Variants in PKP4 observed in about 807,000 individuals in gnomAD.
PKP4 encodes the protein plakophilin 4.
PKP4 carries 90 observed loss-of-function variants against 145.1 expected under a neutral mutation model. That is an observed-to-expected ratio of 0.62 (90% CI 0.52 to 0.74). PKP4 has a LOEUF of 0.74. PKP4 is among the 30% of genes least tolerant of loss of function. PKP4 has a pLI of 0.00. For missense variants in PKP4, 1,340 were observed against 1,482.7 expected, an observed-to-expected ratio of 0.90 and a Z score of 1.58; for synonymous variants, 563 against 577.2, an observed-to-expected ratio of 0.98 and a Z score of 0.35.
intron 1 of PKP4, chr2:158,457,689 C>T (rs763347246): frequency 2.6e-5 from 4 of 152,824 alleles, no homozygotes; most frequent in Non-Finnish European, 5.8e-5. Flanking sequence ...GTCTGTCCTT[C>T]TAGCCCCAGA....
chr2:158,486,409 C>T (rs188871649), intron 1 of PKP4, among the ~76,000 whole-genome samples: 13 of 152,178 alleles, frequency 8.5e-5, no homozygotes, highest in Non-Finnish European at 1.5e-4. Flanking sequence ...TTTGGGAAAA[C>T]GTATAGTTTG....
chr2:158,596,164 A>C (rs2049720619), intron 3 of PKP4, among the ~76,000 whole-genome samples: 3 of 152,198 alleles, frequency 2.0e-5, no homozygotes. Context: ...TGGAAAAATA[A>C]AGCCCACCAA....
intron 4 of PKP4, among the ~76,000 whole-genome samples, chr2:158,617,236 T>G (rs1383921910): frequency 1.3e-5 from 2 of 152,216 alleles, no homozygotes; most frequent in Non-Finnish European, 2.9e-5. Context: ...TTTCTGTATT[T>G]TTAGACATAC....
intron 4 of PKP4, among the ~76,000 whole-genome samples, chr2:158,618,381 G>A (rs951845243): frequency 1.3e-5 from 2 of 152,178 alleles, no homozygotes; most frequent in African/African-American, 2.4e-5. Flanking sequence ...GTATTTTAGT[G>A]TTCTAGTTAG....
Position 158,632,271 on chromosome 2 carries a change from T to C in PKP4, c.1342+330T>C, listed in dbSNP as rs561317776. 2.0e-5 allele frequency among the ~76,000 whole-genome samples: 3 copies of C among 152,372 alleles called. No individual in the cohort carries two copies. In the East Asian group the frequency reaches 5.8e-4, roughly 29 times the overall value. On this transcript the variant is annotated intron_variant, in intron 8 of 21. Coordinates refer to ENST00000389759, the MANE Select transcript of PKP4 (RefSeq NM_003628.6). ...GGAAAGCCTTGTTGGAATATTTCTTTGTAATTCTTTTGCCAAACAAGTTTT... is the reference window on the plus strand; with the variant it reads ...GGAAAGCCTTGTTGGAATATTTCTTCGTAATTCTTTTGCCAAACAAGTTTT...
At chr2:158,476,367 CT>C (rs1307845332) in intron 1 of PKP4, among the ~76,000 whole-genome samples, 4 of 152,138 alleles carry the variant, frequency 2.6e-5, no homozygotes, top group Admixed American at 6.5e-5. Flanking sequence ...CAGTCTCACT[CT>C]TGCCCAGCCC....
intron 1 of PKP4, among the ~76,000 whole-genome samples, chr2:158,458,533 C>T (rs1328571891): frequency 6.6e-6 from 1 of 152,180 alleles, no homozygotes; most frequent in Admixed American, 6.5e-5. Flanking sequence ...CTGGTTTTCA[C>T]TAGGGTTTTC....
At chr2:158,648,749 C>T (rs931866998) in intron 11 of PKP4, among the ~76,000 whole-genome samples, 1 of 152,170 alleles carries the variant, frequency 6.6e-6, no homozygotes, top group Non-Finnish European at 1.5e-5. Flanking sequence ...CTGTAATCCC[C>T]ACACTTTGGG....
intron 1 of PKP4, among the ~76,000 whole-genome samples, chr2:158,519,182 TA>T (rs1162898181): frequency 2.0e-5 from 3 of 152,174 alleles, no homozygotes; most frequent in African/African-American, 7.2e-5. Context: ...GAGAATTATT[TA>T]GGTCACTCTT....
chr2:158,457,953 C>G (rs1689103601), intron 1 of PKP4: 1 of 152,406 alleles, frequency 6.6e-6, no homozygotes, highest in Admixed American at 6.5e-5. Flanking sequence ...ACCTCCCTGG[C>G]GGATCTGGTA....
intron 3 of PKP4, among the ~76,000 whole-genome samples, chr2:158,595,628 T>C (rs993930451): frequency 6.6e-6 from 1 of 152,168 alleles, no homozygotes; most frequent in Non-Finnish European, 1.5e-5. Context: ...TAGATAGAAA[T>C]AAAAATCTTA....
chr2:158,489,817 C>G lies in PKP4; in HGVS notation c.-6+32599C>G, dbSNP rs529350883. On this transcript the variant is annotated intron_variant, in intron 1 of 21. Transcript: ENST00000389759. ...TACATTTTAAAAAACATAATTATGT[C>G]CAGCGAAACTCTCACAGTCTATAGT... Among the ~76,000 whole-genome samples, 25 of 152,202 alleles carry G rather than the reference C, an allele frequency of 1.6e-4. No individual in the cohort carries two copies. In the South Asian group the frequency reaches 5.0e-3, roughly 30 times the overall value.
At chr2:158,623,277 G>T (rs746360252) in intron 6 of PKP4, among the ~76,000 whole-genome samples, 23 of 152,190 alleles carry the variant, frequency 1.5e-4, no homozygotes, top group African/African-American at 5.1e-4. Flanking sequence ...GGGCTCAAGC[G>T]ATTTTCCTGA....
chr2:158,675,743 T>A (rs2093618102), intron 19 of PKP4, among the ~76,000 whole-genome samples: 1 of 152,228 alleles, frequency 6.6e-6, no homozygotes, highest in African/African-American at 2.4e-5. Flanking sequence ...ATAGACATTG[T>A]CCATACATGC....
Position 158,658,312 on chromosome 2 carries a change from A to G in PKP4, c.2091A>G (p.Leu697=), listed in dbSNP as rs374714130. The G allele has an allele frequency of 3.2e-6, 5 of 1,573,800 alleles. No homozygotes were observed. In the African/African-American group the frequency reaches 6.8e-5, roughly 21 times the overall value. The change falls in exon 12 of 22, where the codon CTA becomes CTG. Residue 697 remains leucine, a splice_region_variant and synonymous_variant. Transcript: ENST00000389759. ...SLVLRNTTGC[L]RNLSSAGEEA... ...TTCTGCGTAACACGACAGGTTGCCTAAGGTAAATTCTTTATTTCTTCTTTC... is the reference window on the plus strand; with the variant it reads ...TTCTGCGTAACACGACAGGTTGCCTGAGGTAAATTCTTTATTTCTTCTTTC...
intron 1 of PKP4, among the ~76,000 whole-genome samples, chr2:158,475,629 C>G (rs1461880076): frequency 6.6e-6 from 1 of 152,220 alleles, no homozygotes; most frequent in Non-Finnish European, 1.5e-5. Context: ...TGGGTTATCC[C>G]TGCAGGAGCA....
At chr2:158,554,586 A>G (rs370603788) in intron 2 of PKP4, among the ~76,000 whole-genome samples, 2 of 151,710 alleles carry the variant, frequency 1.3e-5, no homozygotes, top group Admixed American at 1.3e-4. Context: ...CCACCATGCC[A>G]GGCTAATTTT....
At chr2:158,652,624 ATAT>A (rs924544719) in intron 11 of PKP4, among the ~76,000 whole-genome samples, 32 of 152,214 alleles carry the variant, frequency 2.1e-4, no homozygotes, top group African/African-American at 7.5e-4. Context: ...TGCAGCCCTG[ATAT>A]TATTATGTTT....
chr2:158,529,461 C>G (rs892430849), intron 1 of PKP4, among the ~76,000 whole-genome samples: 2 of 152,164 alleles, frequency 1.3e-5, no homozygotes, highest in Non-Finnish European at 2.9e-5. Flanking sequence ...TGTCCCCTTA[C>G]CTGGAAATAA....
Sources: allele counts gnomAD v4.1 joint callset (sites outside exome capture counted in the v4.1 genomes callset), GRCh38; gene constraint gnomAD v4.1.1; transcripts MANE v1.5; gene names NCBI Gene and HGNC (gene_info 2026-07-23, HGNC 2026-07-21).